PLEKHA5: variants seen among roughly 807,000 people sequenced by gnomAD.
The protein encoded by PLEKHA5 is pleckstrin homology domain containing A5.
A neutral mutation model predicts 181.9 loss-of-function variants in PLEKHA5; 55 were observed. The ratio of observed to expected loss-of-function variants is 0.30; its 90% CI spans 0.24 to 0.38. The LOEUF (loss-of-function observed/expected upper bound fraction) is 0.38. PLEKHA5 is among the 10% of genes least tolerant of loss of function. The probability of loss-of-function intolerance (pLI) is 1.00; values close to 1 mark genes in which losing one functional copy is unlikely to be tolerated. For missense variants in PLEKHA5, 1,432 were observed against 1,549.5 expected (o/e 0.92, Z 1.27); for synonymous variants, 535 against 529.4 (o/e 1.01, Z -0.15).
At chr12:19,227,397 T>C (rs759369390) in intron 3 of PLEKHA5, among the ~76,000 whole-genome samples, 11 of 152,060 alleles carry the variant, frequency 7.2e-5, no homozygotes, top group South Asian at 6.2e-4. Flanking sequence ...ATGCCAGTAA[T>C]TGGTTTAAGC....
At chr12:19,280,049 T>G (rs1239909395) in intron 11 of PLEKHA5, among the ~76,000 whole-genome samples, 12 of 134,816 alleles carry the variant, frequency 8.9e-5, no homozygotes, top group Middle Eastern at 3.6e-3. Context: ...TTTTTTTTTT[T>G]TTTTTTTTTT....
Position 19,274,896 on chromosome 12 carries a change from G to C in PLEKHA5, c.1226G>C (p.Arg409Pro), listed in dbSNP as rs200083877. Residue 409 changes from arginine (R) to proline (P), a missense_variant, in exon 11 of 32, where the codon CGA becomes CCA. Arg to Pro is a moderately radical substitution (Grantham distance 103). Transcript: ENST00000429027. ...NTGPLYTEAD[R>P]VIQRTNSMQQ... ...GGGCCCTTATACACAGAGGCCGATCGAGTCATACAGAGAACAAATTCAATG... is the reference window on the plus strand; with the variant it reads ...GGGCCCTTATACACAGAGGCCGATCCAGTCATACAGAGAACAAATTCAATG... The C allele has an allele frequency of 5.6e-5, 91 of 1,613,924 alleles. 3 individuals are homozygous for C. In the South Asian group the frequency reaches 9.8e-4, roughly 17 times the overall value.
In PLEKHA5 at chr12:19,347,217, C is replaced by G. The variant is rs542325663; in HGVS notation, c.2898+35C>G. 2.0e-4 allele frequency: 237 copies of G among 1,164,150 alleles called. 1 individual carries two copies. In the Middle Eastern group the frequency reaches 9.2e-3, roughly 45 times the overall value. 72.1% of individuals were successfully genotyped at this position (1,164,150 alleles called of 1,614,324 possible). A position where few individuals can be genotyped will look rare whatever the true frequency, so the allele number is the denominator to read the frequency against. ...TGGAATAGCCACAGAATAATCAATC[C>G]TACATGTCCTCTCATTTTTGAAAAT... On this transcript the variant is annotated intron_variant, in intron 24 of 31. Transcript: ENST00000429027.
intron 3 of PLEKHA5, among the ~76,000 whole-genome samples, chr12:19,237,403 C>A (rs2061570191): frequency 6.6e-6 from 1 of 152,048 alleles, no homozygotes; most frequent in East Asian, 1.9e-4. Context: ...TTTTAACTTA[C>A]TCACAGAAGA....
intron 2 of PLEKHA5, among the ~76,000 whole-genome samples, chr12:19,131,224 G>C (rs370407906): frequency 1.2e-3 from 183 of 152,176 alleles, no homozygotes; most frequent in Middle Eastern, 3.4e-3. Context: ...ACATTCTCTC[G>C]GACTCTGACA....
At chr12:19,261,464 C>CT (rs899005307) in intron 7 of PLEKHA5, among the ~76,000 whole-genome samples, 3 of 151,322 alleles carry the variant, frequency 2.0e-5, no homozygotes, top group Non-Finnish European at 3.0e-5. Flanking sequence ...TCATTTTGAA[C>CT]TTTTTTTTTG....
chr12:19,208,971 T>C (rs1225358708), intron 3 of PLEKHA5, among the ~76,000 whole-genome samples: 1 of 152,030 alleles, frequency 6.6e-6, no homozygotes, highest in African/African-American at 2.4e-5. Flanking sequence ...CAGAGAGAAA[T>C]AGTGAAAAAT....
chr12:19,259,870 T>C (rs1040679182), intron 6 of PLEKHA5, among the ~76,000 whole-genome samples: 16 of 151,878 alleles, frequency 1.1e-4, no homozygotes, highest in Non-Finnish European at 2.2e-4. Context: ...ATTTTACCCA[T>C]GTTAATTTCT....
intron 15 of PLEKHA5, among the ~76,000 whole-genome samples, chr12:19,300,960 C>T (rs1010968996): frequency 8.4e-5 from 11 of 130,530 alleles, no homozygotes; most frequent in Non-Finnish European, 1.4e-4. Context: ...CATGGAGAAA[C>T]CCCATCTCTA....
chr12:19,321,097 G>A (rs1320324992), intron 18 of PLEKHA5, among the ~76,000 whole-genome samples: 1 of 151,568 alleles, frequency 6.6e-6, no homozygotes, highest in Non-Finnish European at 1.5e-5. Context: ...AACCCAGGAG[G>A]GACAGGTGCA....
chr12:19,364,460 G>A lies in PLEKHA5; in HGVS notation c.3609-1504G>A, dbSNP rs577164409. 1.4e-3 allele frequency among the ~76,000 whole-genome samples: 209 copies of A among 151,900 alleles called. 2 individuals carry two copies. The highest frequency in any genetic ancestry group is 4.9e-3 in the African/African-American group (203 of 41,494). The stretch of plus-strand genomic sequence containing the variant: ...AGGGAGGCGGAGGTCTCAGTGAGCC[G>A]AGATCCCGCCACTGTACTCCAGCCT... On this transcript the variant is annotated intron_variant, in intron 29 of 31. Transcript: ENST00000429027.
intron 15 of PLEKHA5, among the ~76,000 whole-genome samples, chr12:19,313,289 C>A (rs923480431): frequency 6.6e-6 from 1 of 152,074 alleles, no homozygotes; most frequent in Non-Finnish European, 1.5e-5. Flanking sequence ...GTGGGAGGAT[C>A]GCCTAAGCCT....
At chr12:19,148,184 G>C (rs2039441623) in intron 3 of PLEKHA5, among the ~76,000 whole-genome samples, 1 of 152,194 alleles carries the variant, frequency 6.6e-6, no homozygotes, top group Admixed American at 6.5e-5. Context: ...AGCCTCCTGA[G>C]TAGCTGGCAT....
chr12:19,281,768 TTTGTTG>T (rs71064075), intron 11 of PLEKHA5, among the ~76,000 whole-genome samples: 31 of 149,618 alleles, frequency 2.1e-4, no homozygotes, highest in African/African-American at 4.2e-4. Flanking sequence ...CAAAGTGGTT[TTTGTTG>T]TTGTTGTTGT....
At chr12:19,309,584 C>T (rs1489895290) in intron 15 of PLEKHA5, among the ~76,000 whole-genome samples, 4 of 151,870 alleles carry the variant, frequency 2.6e-5, no homozygotes, top group South Asian at 2.1e-4. Context: ...GGTGAAACCC[C>T]GTCTTTACTA....
chr12:19,367,700 C>T (rs1403409909), intron 30 of PLEKHA5, among the ~76,000 whole-genome samples: 1 of 152,024 alleles, frequency 6.6e-6, no homozygotes, highest in Non-Finnish European at 1.5e-5. Flanking sequence ...CTGCCTCAGC[C>T]TCCTGAGTAG....
chr12:19,358,179 T>A (rs1450623934), intron 26 of PLEKHA5, 49 bp from the exon 27 acceptor site: 3 of 1,254,024 alleles, frequency 2.4e-6, no homozygotes, highest in South Asian at 2.6e-5. Flanking sequence ...CCATCATACT[T>A]TTCAGAAGTT....
intron 3 of PLEKHA5, among the ~76,000 whole-genome samples, chr12:19,140,698 AG>A (rs1374198108): frequency 6.6e-6 from 1 of 152,218 alleles, no homozygotes; most frequent in African/African-American, 2.4e-5. Flanking sequence ...TGAACATCCC[AG>A]GGCATTTTTT....
Position 19,345,869 on chromosome 12 carries a change from C to A in PLEKHA5, c.2690C>A (p.Thr897Lys), listed in dbSNP as rs1476979322. 2.7e-6 allele frequency: 4 copies of A among 1,486,292 alleles called. No individual in the cohort carries two copies. Among genetic ancestry groups the A allele is most frequent in the Non-Finnish European group, 3.7e-6 (4 of 1,070,308 alleles). 92.1% of individuals were successfully genotyped at this position (1,486,292 alleles called of 1,614,324 possible). ...IGMIGSKPFS[T>K]VKYKNEEEEV... ...ATGATAGGATCAAAGCCTTTCTCAA[C>A]AGTTAAGTACAAAAATGAGGTAAGT... Residue 897 changes from threonine to lysine, a missense_variant, in exon 23 of 32, where the codon ACA becomes AAA. Around this residue, in one of 2 missense-constraint regions of PLEKHA5, gnomAD observed 1,143 missense variants for 1,168.4 expected, o/e 0.98. Transcript: ENST00000429027.
Sources: allele counts gnomAD v4.1 joint callset (sites outside exome capture counted in the v4.1 genomes callset), GRCh38; gene constraint gnomAD v4.1.1; regional missense constraint gnomAD v4.1.1; transcripts MANE v1.5; gene names NCBI Gene and HGNC (gene_info 2026-07-23, HGNC 2026-07-21).